Variants in PACSIN1 observed in about 807,000 individuals in gnomAD.
The protein encoded by PACSIN1 is protein kinase C and casein kinase substrate in neurons protein 1.
Under a neutral mutation model 59.5 loss-of-function variants are expected in PACSIN1, and 15 were observed. The ratio of observed to expected loss-of-function variants is 0.25; its 90% CI spans 0.17 to 0.39. The LOEUF is 0.39. Among genes scored for constraint, PACSIN1 ranks in the 10% least tolerant of loss-of-function variants. The pLI is 1.00. For synonymous variants in PACSIN1, 210 were observed against 220.6 expected (o/e 0.95, Z 0.42); for missense variants, 420 against 580.2 (o/e 0.72, Z 2.84).
intron 1 of PACSIN1, among the ~76,000 whole-genome samples, chr6:34,509,288 C>T (rs1210913177): frequency 1.3e-5 from 2 of 152,160 alleles, no homozygotes; most frequent in African/African-American, 4.8e-5. Context: ...GTATCATTTC[C>T]CCACTGTGTA....
At chr6:34,526,089 T>A (rs1011341406) in intron 1 of PACSIN1, among the ~76,000 whole-genome samples, 154 bp from the exon 2 acceptor site, 2 of 151,890 alleles carry the variant, frequency 1.3e-5, no homozygotes, top group African/African-American at 4.8e-5. Flanking sequence ...CTCTTGGGGT[T>A]ACCTAAGTCT....
chr6:34,504,772 T>G (rs1018708482), intron 1 of PACSIN1, among the ~76,000 whole-genome samples: 41 of 152,154 alleles, frequency 2.7e-4, no homozygotes, highest in African/African-American at 8.7e-4. Flanking sequence ...AACTATTCTT[T>G]TAGGGTAGGT....
chr6:34,495,165 T>C (rs1766930017), intron 1 of PACSIN1, among the ~76,000 whole-genome samples: 1 of 152,092 alleles, frequency 6.6e-6, no homozygotes, highest in Admixed American at 6.6e-5. Flanking sequence ...GCTAGCTGAG[T>C]GCGCTTATTT....
At chr6:34,499,042 A>G (rs1766987726) in intron 1 of PACSIN1, among the ~76,000 whole-genome samples, 1 of 151,998 alleles carries the variant, frequency 6.6e-6, no homozygotes, top group African/African-American at 2.4e-5. Context: ...TGTTTCCATT[A>G]TTATTACATT....
chr6:34,524,732 C>A (rs1346423529), intron 1 of PACSIN1, among the ~76,000 whole-genome samples: 1 of 152,210 alleles, frequency 6.6e-6, no homozygotes, highest in Non-Finnish European at 1.5e-5. Context: ...GAAGTAAATT[C>A]CTAGAAGTGG....
At chr6:34,520,934 G>A (rs866415537) in intron 1 of PACSIN1, among the ~76,000 whole-genome samples, 86 of 152,292 alleles carry the variant, frequency 5.6e-4, no homozygotes, top group African/African-American at 1.9e-3. Flanking sequence ...GGCGCCCACT[G>A]TGTGCAGGTA....
chr6:34,467,677 G>C (rs1766516181), intron 1 of PACSIN1, among the ~76,000 whole-genome samples: 1 of 149,794 alleles, frequency 6.7e-6, no homozygotes, highest in Admixed American at 6.8e-5. Context: ...TCCTGCCTCA[G>C]CCTCCTGAGT....
intron 1 of PACSIN1, among the ~76,000 whole-genome samples, chr6:34,524,695 CT>C (rs1767453430): frequency 6.6e-6 from 1 of 152,220 alleles, no homozygotes; most frequent in African/African-American, 2.4e-5. Context: ...AGTAAATAAT[CT>C]TGTGCATCAT....
chr6:34,469,029 G>C (rs1766535542), intron 1 of PACSIN1, among the ~76,000 whole-genome samples: 1 of 152,114 alleles, frequency 6.6e-6, no homozygotes, highest in African/African-American at 2.4e-5. Context: ...AGAATGAGTT[G>C]GTGGTAGAAA....
At chr6:34,492,960 A>G (rs1253224456) in intron 1 of PACSIN1, among the ~76,000 whole-genome samples, 1 of 152,232 alleles carries the variant, frequency 6.6e-6, no homozygotes, top group Non-Finnish European at 1.5e-5. Flanking sequence ...AACCACACAC[A>G]TGAGAAAAGA....
At chr6:34,501,797 G>A (rs1767027909) in intron 1 of PACSIN1, among the ~76,000 whole-genome samples, 1 of 152,090 alleles carries the variant, frequency 6.6e-6, no homozygotes, top group South Asian at 2.1e-4. Flanking sequence ...TTGGGAGGCC[G>A]AGGAGGGTGG....
intron 1 of PACSIN1, among the ~76,000 whole-genome samples, chr6:34,473,637 G>A (rs1479201531): frequency 6.6e-6 from 1 of 152,182 alleles, no homozygotes; most frequent in Non-Finnish European, 1.5e-5. Context: ...TGAGGTCCTG[G>A]CCCTGACACT....
At chr6:34,495,296 CA>C (rs1434228873) in intron 1 of PACSIN1, among the ~76,000 whole-genome samples, 1 of 152,132 alleles carries the variant, frequency 6.6e-6, no homozygotes, top group Non-Finnish European at 1.5e-5. Flanking sequence ...AAGAAATATT[CA>C]GGAATTCTTT....
In PACSIN1 at chr6:34,529,476, C is replaced by G. The variant is rs138349270; in HGVS notation, c.536C>G (p.Thr179Arg). Residue 179 changes from threonine (T) to arginine (R), a missense_variant, in exon 5 of 10, where the codon ACG becomes AGG. Thr to Arg is a moderately conservative substitution (Grantham distance 71). Transcript: ENST00000244458. The surrounding 1 kb of genome is among the most constrained non-coding windows in gnomAD (Gnocchi z 6.3). ...LAMTREMNSK[T>R]EQSVTPEQQK... The stretch of plus-strand genomic sequence containing the variant: ...ATGACACGGGAGATGAACAGCAAGA[C>G]GGAGCAATCGGTCACACCTGAGCAG... The G allele has an allele frequency of 1.2e-6, 2 of 1,614,144 alleles. No individual in the cohort carries two copies. The highest frequency in any genetic ancestry group is 2.2e-5 in the East Asian group (1 of 44,864).
intron 1 of PACSIN1, among the ~76,000 whole-genome samples, chr6:34,524,981 C>A (rs1390151472): frequency 6.6e-6 from 1 of 152,180 alleles, no homozygotes; most frequent in East Asian, 1.9e-4. Context: ...CCCAGGGATA[C>A]CTATCTCACC....
At chr6:34,494,253 T>A (rs1015350698) in intron 1 of PACSIN1, among the ~76,000 whole-genome samples, 1 of 152,174 alleles carries the variant, frequency 6.6e-6, no homozygotes, top group Non-Finnish European at 1.5e-5. Context: ...CCATCCCCAT[T>A]CTTTGTTTCA....
In PACSIN1 at chr6:34,521,438, G is replaced by T. The variant is rs1479889901; in HGVS notation, c.-63-4805G>T. 2.0e-5 allele frequency among the ~76,000 whole-genome samples: 3 copies of T among 152,194 alleles called. No homozygotes were observed. Among genetic ancestry groups the T allele is most frequent in the Non-Finnish European group, 2.9e-5 (2 of 68,024 alleles). Reference sequence around the variant, plus strand: ...TAGATGGAACACAGCTGAGGGCCCTGCCCTCCAGGGTCTCCTAGAGGCAGC... The same window carrying T: ...TAGATGGAACACAGCTGAGGGCCCTTCCCTCCAGGGTCTCCTAGAGGCAGC... On this transcript the variant is annotated intron_variant, in intron 1 of 9. Transcript: ENST00000244458. This position sits in a 1 kb window ranked among gnomAD's most constrained non-coding sequence, Gnocchi z 4.3.
At chr6:34,472,312 T>C (rs1766583201) in intron 1 of PACSIN1, among the ~76,000 whole-genome samples, 1 of 147,800 alleles carries the variant, frequency 6.8e-6, no homozygotes, top group Non-Finnish European at 1.5e-5. Flanking sequence ...GTGTGTAGTA[T>C]GATACAATTT....
intron 1 of PACSIN1, among the ~76,000 whole-genome samples, chr6:34,486,805 GC>G (rs1448143731): frequency 2.3e-4 from 35 of 152,014 alleles, no homozygotes; most frequent in Non-Finnish European, 4.7e-4. Context: ...GTAGACCCCA[GC>G]CTAGGGTCTT....
Sources: gnomAD v4.1 joint callset for allele counts (sites outside exome capture counted in the v4.1 genomes callset) on GRCh38, gnomAD v4.1.1 for gene constraint, Gnocchi (gnomAD v3.1) non-coding constraint, MANE v1.5 for transcripts, NCBI Gene and HGNC (gene_info 2026-07-23, HGNC 2026-07-21) for gene names.